Variants in COG5 observed in about 807,000 individuals in gnomAD.
The protein encoded by COG5 is component of oligomeric golgi complex 5.
COG5 carries 86 observed loss-of-function variants against 110.4 expected under a neutral mutation model. That is an observed-to-expected ratio of 0.78 (90% CI 0.65 to 0.93). The LOEUF is 0.93. COG5 is among the 40% of genes least tolerant of loss of function. The pLI, the probability that COG5 is intolerant of heterozygous loss-of-function variation, is 0.00. For missense variants in COG5, 1,077 were observed against 987.0 expected (o/e 1.09, Z -1.22); for synonymous variants, 360 against 334.6 (o/e 1.08, Z -0.83).
At chr7:107,414,346 C>G (rs1792537625) in intron 6 of COG5, among the ~76,000 whole-genome samples, 1 of 151,168 alleles carries the variant, frequency 6.6e-6, no homozygotes, top group Admixed American at 6.6e-5. Flanking sequence ...AGTGATGTAG[C>G]AGGAAATGAA....
At chr7:107,409,479 C>G (rs1480186356) in intron 7 of COG5, among the ~76,000 whole-genome samples, 1 of 151,188 alleles carries the variant, frequency 6.6e-6, no homozygotes, top group African/African-American at 2.5e-5. Flanking sequence ...TATGAGAAGT[C>G]AAGAAAAGGA....
intron 19 of COG5, among the ~76,000 whole-genome samples, chr7:107,227,726 C>T (rs1028337485): frequency 2.0e-5 from 3 of 150,848 alleles, no homozygotes; most frequent in African/African-American, 7.3e-5. Context: ...GGGTGGTGGG[C>T]GGTAAAGGGT....
intron 2 of COG5, 44 bp downstream of exon 2, chr7:107,557,932 C>T (rs1803445490): frequency 6.2e-7 from 1 of 1,606,806 alleles, no homozygotes; most frequent in Non-Finnish European, 8.5e-7. Flanking sequence ...TAAATTATCA[C>T]TTTAGGCTGA....
At position 107,202,756 on chromosome 7, in the gene COG5, A is replaced by G. The variant is rs1223706169; in HGVS notation, c.*760T>C. The G allele has an allele frequency of 6.6e-6, 1 of 152,216 alleles. No individual in the cohort carries two copies. The highest frequency in any genetic ancestry group is 1.5e-5 in the Non-Finnish European group (1 of 68,046). 9.4% of individuals were successfully genotyped at this position (152,216 alleles called of 1,614,324 possible). A position where few individuals can be genotyped will look rare whatever the true frequency, so the allele number is the denominator to read the frequency against. On this transcript the variant is annotated 3_prime_UTR_variant, in exon 22 of 22. Transcript: ENST00000297135. ...TATCTACTATTTATAGAGAATTGCT[A>G]TACAATAAAAATTTTTATTTTTCAC...
chr7:107,280,046 A>G (rs1805040487), intron 14 of COG5, among the ~76,000 whole-genome samples: 1 of 152,074 alleles, frequency 6.6e-6, no homozygotes, highest in Non-Finnish European at 1.5e-5. Context: ...AGATCTTAGC[A>G]TTGTCAGTAA....
At chr7:107,367,408 TCCAGCAGTCCCACTACTGGGTATCTAC>T (rs1471617231) in intron 8 of COG5, among the ~76,000 whole-genome samples, 1 of 151,988 alleles carries the variant, frequency 6.6e-6, no homozygotes, top group Non-Finnish European at 1.5e-5. Context: ...TACCATTCGA[TCCAGCAGTCCCACTACTGGGTATCTAC>T]CCAGTAGTCA....
intron 6 of COG5, among the ~76,000 whole-genome samples, chr7:107,442,643 T>C (rs1318740639): frequency 7.7e-6 from 1 of 129,566 alleles, no homozygotes; most frequent in Non-Finnish European, 1.7e-5. Flanking sequence ...CAATTTCACC[T>C]AAAAAAAAAA....
At chr7:107,308,053 T>C (rs190897786) in intron 11 of COG5, among the ~76,000 whole-genome samples, 208 of 152,314 alleles carry the variant, frequency 1.4e-3, no homozygotes, top group Admixed American at 4.8e-3. Flanking sequence ...AGTTCACCTA[T>C]TATAACTAGT....
chr7:107,274,518 G>C (rs1804542260), intron 14 of COG5, among the ~76,000 whole-genome samples: 1 of 152,042 alleles, frequency 6.6e-6, no homozygotes, highest in East Asian at 1.9e-4. Context: ...TTCACCATGA[G>C]ATCAGGCCCA....
intron 19 of COG5, among the ~76,000 whole-genome samples, chr7:107,225,826 TGAGGTCAG>T (rs1178340828): frequency 1.3e-5 from 2 of 152,222 alleles, no homozygotes; most frequent in Non-Finnish European, 2.9e-5. Flanking sequence ...GCAGATCACC[TGAGGTCAG>T]GAGTTTGAGA....
At chr7:107,540,966 T>C (rs2712225) in intron 5 of COG5, among the ~76,000 whole-genome samples, 62,943 of 151,386 alleles carry the variant, frequency 0.42, 13,416 homozygotes, top group Non-Finnish European at 0.47. Context: ...GCCTGGCCAA[T>C]ATGGTAAAAC....
chr7:107,491,826 A>G (rs1178819581), intron 6 of COG5, among the ~76,000 whole-genome samples: 1 of 152,100 alleles, frequency 6.6e-6, no homozygotes, highest in Non-Finnish European at 1.5e-5. Context: ...GAATAAATAT[A>G]TTCTTCTGTA....
In COG5 at chr7:107,474,807, G is replaced by A. The variant is rs1796870080; in HGVS notation, c.538+52430C>T. 3 of 1,612,660 alleles carry A rather than the reference G, an allele frequency of 1.9e-6. No homozygotes were observed. The South Asian group carries it at 3.3e-5, about 18-fold the overall frequency. ...GAATAGGCACAAGATTTTCAACAGG[G>A]CAGAAGAAGAAAGCAAGAAAGAAAA... On this transcript the variant is annotated intron_variant, in intron 6 of 21. Coordinates refer to ENST00000297135, the MANE Select transcript of COG5 (RefSeq NM_006348.5). The surrounding 1 kb of genome is among the most constrained non-coding windows in gnomAD (Gnocchi z 5.7).
chr7:107,239,075 A>T (rs1801421084), intron 17 of COG5, among the ~76,000 whole-genome samples: 2 of 152,048 alleles, frequency 1.3e-5, no homozygotes, highest in African/African-American at 4.8e-5. Flanking sequence ...CTGTTTTCTT[A>T]AATTTGTTTT....
chr7:107,470,035 G>A (rs1458027977), intron 6 of COG5: 1 of 152,164 alleles, frequency 6.6e-6, no homozygotes, highest in Admixed American at 6.6e-5. Flanking sequence ...CTCTGCAGTG[G>A]AGAGAAGCGA....
intron 18 of COG5, among the ~76,000 whole-genome samples, chr7:107,232,342 T>G (rs1800836203): frequency 6.6e-6 from 1 of 152,238 alleles, no homozygotes; most frequent in Admixed American, 6.5e-5. Flanking sequence ...TACTTTACAC[T>G]GAGCACAAAG....
chr7:107,473,917 T>C (rs1796808035), intron 6 of COG5: 2 of 519,346 alleles, frequency 3.9e-6, no homozygotes, highest in Non-Finnish European at 3.4e-6. Flanking sequence ...ATTAATAGTT[T>C]ACAAACTTAA....
At chr7:107,557,939 C>G in intron 2 of COG5, 37 bp downstream of exon 2, 1 of 1,611,032 alleles carries the variant, frequency 6.2e-7, no homozygotes, top group East Asian at 2.2e-5. Context: ...TCACTTTAGG[C>G]TGAATAATCC....
intron 10 of COG5, among the ~76,000 whole-genome samples, chr7:107,340,270 C>T (rs1310502913): frequency 1.3e-5 from 2 of 152,040 alleles, no homozygotes; most frequent in Admixed American, 6.6e-5. Context: ...ACTAGAAAAT[C>T]TAGAGGAAAT....
Sources: gnomAD v4.1 joint callset for allele counts (sites outside exome capture counted in the v4.1 genomes callset) on GRCh38, gnomAD v4.1.1 for gene constraint, Gnocchi (gnomAD v3.1) non-coding constraint, MANE v1.5 for transcripts, NCBI Gene and HGNC (gene_info 2026-07-23, HGNC 2026-07-21) for gene names.